The following EPS15 variants were observed in gnomAD, a reference collection of about 807,000 sequenced individuals.
EPS15 encodes epidermal growth factor receptor pathway substrate 15.
Under a neutral mutation model 113.8 loss-of-function variants are expected in EPS15, and 72 were observed. That is an observed-to-expected ratio of 0.63 (90% confidence interval 0.52 to 0.77). The LOEUF (loss-of-function observed/expected upper bound fraction) is 0.77, where lower values mean the gene tolerates loss of function less well. Among genes scored for constraint, EPS15 ranks in the 30% least tolerant of loss-of-function variants. EPS15 has a pLI of 0.00. For synonymous variants in EPS15, 344 were observed against 363.4 expected, an observed-to-expected ratio of 0.95 and a Z score of 0.61; for missense variants, 1,048 against 1,045.8, an observed-to-expected ratio of 1.00 and a Z score of -0.03.
chr1:51,501,912 A>T (rs1342198132), intron 1 of EPS15, among the ~76,000 whole-genome samples: 1 of 152,178 alleles, frequency 6.6e-6, no homozygotes. Context: ...TCAGGTGCTG[A>T]TAGTATAAGG....
intron 1 of EPS15, among the ~76,000 whole-genome samples, chr1:51,506,049 G>T (rs1201080484): frequency 6.6e-6 from 1 of 152,028 alleles, no homozygotes; most frequent in Non-Finnish European, 1.5e-5. Context: ...ACCACACCCG[G>T]CTGATTTTTG....
chr1:51,433,339 C>A (rs1161975837), intron 12 of EPS15, among the ~76,000 whole-genome samples: 1 of 152,200 alleles, frequency 6.6e-6, no homozygotes, highest in African/African-American at 2.4e-5. Flanking sequence ...TTACTATGTT[C>A]CAAGCATTGC....
chr1:51,484,958 GTTTA>G (rs201047433), intron 1 of EPS15, among the ~76,000 whole-genome samples: 2,956 of 152,282 alleles, frequency 0.019, 46 homozygotes, highest in Non-Finnish European at 0.031. Context: ...GTCTACAACT[GTTTA>G]TTTATTTTGT....
At chr1:51,457,722 C>T (rs1654122254) in intron 8 of EPS15, 1 of 151,842 alleles carries the variant, frequency 6.6e-6, no homozygotes, top group African/African-American at 2.4e-5. Flanking sequence ...TGGAATTTTC[C>T]ACTTTGTGGG....
At position 51,387,480 on chromosome 1, in the gene EPS15, A is replaced by C. The variant is rs568752633; in HGVS notation, c.2119+6901T>G. 4.0e-3 allele frequency among the ~76,000 whole-genome samples: 605 copies of C among 152,274 alleles called. 6 individuals are homozygous for C. The highest frequency in any genetic ancestry group is 0.026 in the Admixed American group (403 of 15,290). The stretch of plus-strand genomic sequence containing the variant: ...ATTCACACATAACAATATTAACTTT[A>C]AATGTAAATGGACTAAATGCTCCAA... On this transcript the variant is annotated intron_variant, in intron 21 of 24. Coordinates refer to ENST00000371733, the MANE Select transcript of EPS15 (RefSeq NM_001981.3).
intron 1 of EPS15, among the ~76,000 whole-genome samples, chr1:51,502,349 A>C (rs1330298160): frequency 6.6e-6 from 1 of 152,270 alleles, no homozygotes; most frequent in Admixed American, 6.5e-5. Flanking sequence ...TTTTAAAAAA[A>C]CCCTTTCAAA....
chr1:51,491,733 G>A (rs1644236677), intron 1 of EPS15, among the ~76,000 whole-genome samples: 1 of 152,090 alleles, frequency 6.6e-6, no homozygotes, highest in South Asian at 2.1e-4. Flanking sequence ...AAATCACCTG[G>A]GCAGTCCTCA....
At chr1:51,431,055 A>C (rs1181326233) in intron 12 of EPS15, among the ~76,000 whole-genome samples, 3 of 151,370 alleles carry the variant, frequency 2.0e-5, no homozygotes, top group Non-Finnish European at 4.4e-5. Context: ...TAATTATATA[A>C]TCTTTATGTG....
At chr1:51,462,058 A>C (rs1394477277) in intron 7 of EPS15, 1 of 152,230 alleles carries the variant, frequency 6.6e-6, no homozygotes, top group Non-Finnish European at 1.5e-5. Flanking sequence ...TAATCTGCTG[A>C]AGCAGGTAAT....
At chr1:51,416,467 C>G (rs1180331050) in intron 13 of EPS15, among the ~76,000 whole-genome samples, 5 of 152,160 alleles carry the variant, frequency 3.3e-5, no homozygotes, top group Non-Finnish European at 5.9e-5. Context: ...CAAGCCATAT[C>G]CGAGGTTACT....
At chr1:51,457,941 T>C (rs1180619411) in intron 8 of EPS15, 1 of 151,820 alleles carries the variant, frequency 6.6e-6, no homozygotes, top group Non-Finnish European at 1.5e-5. Flanking sequence ...GTAAAATAAA[T>C]CGGTAAAGAA....
intron 21 of EPS15, among the ~76,000 whole-genome samples, chr1:51,378,644 A>T (rs943550489): frequency 6.6e-6 from 1 of 152,222 alleles, no homozygotes. Context: ...AATGCACTCT[A>T]ATTTGTTAAA....
intron 15 of EPS15, among the ~76,000 whole-genome samples, chr1:51,407,190 C>A (rs1649209336): frequency 6.6e-6 from 1 of 151,864 alleles, no homozygotes; most frequent in Admixed American, 6.6e-5. Context: ...GTGTTTCTAT[C>A]CTTTTTTTTT....
intron 1 of EPS15, among the ~76,000 whole-genome samples, chr1:51,497,185 T>G (rs1292354102): frequency 6.6e-6 from 1 of 152,160 alleles, no homozygotes; most frequent in African/African-American, 2.4e-5. Flanking sequence ...AAGTAATCAT[T>G]TGATGAATAT....
At chr1:51,368,429 G>A (rs1226005846) in intron 21 of EPS15, among the ~76,000 whole-genome samples, 3 of 152,134 alleles carry the variant, frequency 2.0e-5, no homozygotes, top group African/African-American at 7.2e-5. Flanking sequence ...TCCTGAAGAG[G>A]ATGTTGGAAG....
At chr1:51,365,438 A>C (rs1204328918) in intron 22 of EPS15, among the ~76,000 whole-genome samples, 1 of 152,244 alleles carries the variant, frequency 6.6e-6, no homozygotes, top group Non-Finnish European at 1.5e-5. Context: ...AGAACCAAGG[A>C]ACCAACAATC....
Position 51,361,344 on chromosome 1 carries a change from T to C in EPS15, c.2371A>G (p.Ile791Val). The C allele has an allele frequency of 6.2e-7, 1 of 1,610,962 alleles. No individual in the cohort carries two copies. The highest frequency in any genetic ancestry group is 8.5e-7 in the Non-Finnish European group (1 of 1,178,472). Reference sequence around the variant, plus strand: ...GGATCAGGAGAATCCAATTTGTTGATGGATCTTTTCCCTGGATCAAAATCA... The same window carrying C: ...GGATCAGGAGAATCCAATTTGTTGACGGATCTTTTCCCTGGATCAAAATCA... The part of the protein sequence containing the change: ...PCPLPPGKRS[I>V]NKLDSPDPFK... The change falls in exon 24 of 25, where the codon ATC becomes GTC. Residue 791 changes from isoleucine to valine, a missense_variant. Physicochemically the swap from Ile to Val is conservative, Grantham distance 29. Transcript: ENST00000371733.
At chr1:51,477,420 AT>A (rs1301455827) in intron 2 of EPS15, among the ~76,000 whole-genome samples, 1 of 151,896 alleles carries the variant, frequency 6.6e-6, no homozygotes, top group South Asian at 2.1e-4. Flanking sequence ...GGATTCCCTG[AT>A]TTTTTGAAGG....
intron 20 of EPS15, among the ~76,000 whole-genome samples, chr1:51,395,746 T>A (rs1647873537): frequency 6.6e-6 from 1 of 152,248 alleles, no homozygotes; most frequent in South Asian, 2.1e-4. Context: ...CTGAGTTTCC[T>A]CTTTCTGGCA....
Sources: gnomAD v4.1 joint callset for allele counts (sites outside exome capture counted in the v4.1 genomes callset) on GRCh38, gnomAD v4.1.1 for gene constraint, MANE v1.5 for transcripts, NCBI Gene and HGNC (gene_info 2026-07-23, HGNC 2026-07-21) for gene names.